The following NR2E3 variants were observed in gnomAD, a reference collection of about 807,000 sequenced individuals.
The protein encoded by NR2E3 is nuclear receptor subfamily 2 group E member 3, also known as photoreceptor-specific nuclear receptor.
Under a neutral mutation model 37.6 loss-of-function variants are expected in NR2E3, and 38 were observed. The observed-to-expected ratio is 1.01, with a 90% CI of 0.78 to 1.33. NR2E3 has a LOEUF of 1.33. Among genes scored for constraint, NR2E3 ranks in the 40% most tolerant of loss-of-function variants. NR2E3 has a pLI of 0.00. For missense variants in NR2E3, 562 were observed against 558.7 expected, an observed-to-expected ratio of 1.01 and a Z score of -0.06; for synonymous variants, 235 against 225.1, an observed-to-expected ratio of 1.04 and a Z score of -0.39.
At position 71,813,745 on chromosome 15, in the gene NR2E3, TGG is replaced by T. The variant is rs757771502; in HGVS notation, c.994+115_994+116del. ...TGCAGATGTGTGTAGGCCTCTATCC[TGG>T]GGGGTGGGAGGAGAGTGGTGAGGCT... On this transcript the variant is annotated intron_variant, in intron 6 of 7. Transcript: ENST00000617575. This position sits in a 1 kb window ranked among gnomAD's most constrained non-coding sequence, Gnocchi z 4.7. 1 of 1,548,124 alleles carries T rather than the reference TGG, an allele frequency of 6.5e-7. No homozygotes were observed.
rs758716973 is a variant in NR2E3, at chr15:71,813,972, G to A, written c.995-40G>A. On this transcript the variant is annotated intron_variant, in intron 6 of 7. Transcript: ENST00000617575. This position sits in a 1 kb window ranked among gnomAD's most constrained non-coding sequence, Gnocchi z 4.7. ...CTTCATGGCCAGCCTTATAACAGCC[G>A]TAAACCTGTGCTAAGCTCACTGGTG... The A allele has an allele frequency of 9.3e-5, 148 of 1,588,428 alleles. No homozygotes were observed. Among genetic ancestry groups the A allele is most frequent in the Non-Finnish European group, 1.2e-4 (138 of 1,168,702 alleles).
At position 71,812,141 on chromosome 15, in the gene NR2E3, C is replaced by T. The variant is rs1174147743; in HGVS notation, c.536C>T (p.Thr179Ile). 6.4e-7 allele frequency: 1 copy of T among 1,566,094 alleles called. No homozygotes were observed. The highest frequency in any genetic ancestry group is 1.4e-5 in the African/African-American group (1 of 73,640). Reference sequence around the variant, plus strand: ...CACCACTTCATGGCCAGCCTTATAACAGCTGAAACCTGTGCTAAGCTGGAG... The same window carrying T: ...CACCACTTCATGGCCAGCCTTATAATAGCTGAAACCTGTGCTAAGCTGGAG... ...LGHHFMASLITAETCAKLEPE... is the reference protein window; with the variant it reads ...LGHHFMASLIIAETCAKLEPE... Residue 179 changes from threonine to isoleucine, a missense_variant, in exon 4 of 8, where the codon ACA becomes ATA. Physicochemically the swap from Thr to Ile is moderately conservative, Grantham distance 89. Coordinates refer to ENST00000617575, the MANE Select transcript of NR2E3 (RefSeq NM_014249.4).
chr15:71,812,004 C>T lies in NR2E3; in HGVS notation c.399C>T (p.Asp133=). Residue 133 remains aspartate (D), a synonymous_variant, in exon 4 of 8, where the codon GAC becomes GAT. Transcript: ENST00000617575. ...QPRSTAQVHL[D]SMESNTESRP... Reference sequence around the variant, plus strand: ...GAAGCACAGCCCAGGTCCACCTGGACAGCATGGAGTCCAACACTGAGTCCC... The same window carrying T: ...GAAGCACAGCCCAGGTCCACCTGGATAGCATGGAGTCCAACACTGAGTCCC... 1 of 1,555,182 alleles carries T rather than the reference C, an allele frequency of 6.4e-7. No individual in the cohort carries two copies. Among genetic ancestry groups the T allele is most frequent in the Non-Finnish European group, 8.7e-7 (1 of 1,149,522 alleles).
Position 71,813,971 on chromosome 15 carries a change from C to G in NR2E3, c.995-41C>G, listed in dbSNP as rs199509906. The G allele has an allele frequency of 3.0e-4, 479 of 1,587,238 alleles. 1 individual carries two copies. In the African/African-American group the frequency reaches 4.7e-3, roughly 16 times the overall value. ...ACTTCATGGCCAGCCTTATAACAGC[C>G]GTAAACCTGTGCTAAGCTCACTGGT... On this transcript the variant is annotated intron_variant, in intron 6 of 7. Coordinates refer to ENST00000617575, the MANE Select transcript of NR2E3 (RefSeq NM_014249.4). The surrounding 1 kb of genome is among the most constrained non-coding windows in gnomAD (Gnocchi z 4.7).
At chr15:71,816,714 T>A (rs1176671719) in intron 7 of NR2E3, among the ~76,000 whole-genome samples, 1 of 152,156 alleles carries the variant, frequency 6.6e-6, no homozygotes, top group Admixed American at 6.5e-5. Flanking sequence ...ACAATTCTTA[T>A]CTACTAAAAA....
Position 71,811,843 on chromosome 15 carries a change from G to T in NR2E3, c.323G>T (p.Cys108Phe), listed in dbSNP as rs555544052. The T allele has an allele frequency of 6.4e-7, 1 of 1,551,386 alleles. No homozygotes were observed. The highest frequency in any genetic ancestry group is 1.2e-5 in the South Asian group (1 of 84,062). Residue 108 changes from cysteine to phenylalanine, a missense_variant, in exon 3 of 8, where the codon TGC becomes TTC. Coordinates refer to ENST00000617575, the MANE Select transcript of NR2E3 (RefSeq NM_014249.4). The surrounding 1 kb of genome is among the most constrained non-coding windows in gnomAD (Gnocchi z 5.6). ...TGCCAGGCCTGCCGGCTGAAGAAGTGCCTGCAGGCGGGGATGAACCAGGAC... is the reference window on the plus strand; with the variant it reads ...TGCCAGGCCTGCCGGCTGAAGAAGTTCCTGCAGGCGGGGATGAACCAGGAC... ...NQCQACRLKK[C>F]LQAGMNQDAV...
At chr15:71,814,857 G>A (rs1470743066) in intron 7 of NR2E3, 1 of 985,482 alleles carries the variant, frequency 1.0e-6, no homozygotes, top group African/African-American at 1.7e-5. Flanking sequence ...GCAGAAGGGA[G>A]ACTCTAGGAG....
At chr15:71,814,567 T>C (rs1652124938) in intron 7 of NR2E3, 14 of 952,628 alleles carry the variant, frequency 1.5e-5, no homozygotes, top group Non-Finnish European at 1.8e-5. Context: ...TTTGAAGGTA[T>C]AACAGGTTCC....
chr15:71,817,405 G>A (rs2054235410), intron 7 of NR2E3, 147 bp from the exon 8 acceptor site: 1 of 1,104,550 alleles, frequency 9.1e-7, no homozygotes, highest in East Asian at 2.4e-5. Flanking sequence ...GCCTGAATGT[G>A]GCTTTTCCTC....
Position 71,814,129 on chromosome 15 carries a change from A to T in NR2E3, c.1100+12A>T. ...AGCCAGCCCGTGAGGTGACCTGAGC[A>T]TGCGCCCACCCACTCATCTGTCCCT... is the stretch of plus-strand genomic sequence containing the variant. On this transcript the variant is annotated intron_variant, in intron 7 of 7. Coordinates refer to ENST00000617575, the MANE Select transcript of NR2E3 (RefSeq NM_014249.4). 1 of 1,606,920 alleles carries T rather than the reference A, an allele frequency of 6.2e-7. No individual in the cohort carries two copies. The highest frequency in any genetic ancestry group is 8.5e-7 in the Non-Finnish European group (1 of 1,179,116).
At position 71,811,470 on chromosome 15, in the gene NR2E3, C is replaced by T. The variant is rs767980789; in HGVS notation, c.119-13C>T. On this transcript the variant is annotated splice_polypyrimidine_tract_variant and intron_variant, in intron 1 of 7. Transcript: ENST00000617575. The surrounding 1 kb of genome is among the most constrained non-coding windows in gnomAD (Gnocchi z 5.6). ...AGCCCTGCCCTGGCCCAGCCCTGCCCCCTGCCCCTCAGGCGTGAGCCCCTC... is the reference window on the plus strand; with the variant it reads ...AGCCCTGCCCTGGCCCAGCCCTGCCTCCTGCCCCTCAGGCGTGAGCCCCTC... The T allele has an allele frequency of 8.2e-5, 127 of 1,553,152 alleles. No individual in the cohort carries two copies. In the Admixed American group the frequency reaches 8.2e-4, roughly 10 times the overall value.
Position 71,811,399 on chromosome 15 carries a change from A to G in NR2E3, c.119-84A>G. The stretch of plus-strand genomic sequence containing the variant: ...GGTGAGCGGGGCCTGAGGACTGGGA[A>G]AGGGACCCGAGGGAAGGAGGGGAGC... On this transcript the variant is annotated intron_variant, in intron 1 of 7. Coordinates refer to ENST00000617575, the MANE Select transcript of NR2E3 (RefSeq NM_014249.4). The surrounding 1 kb of genome is among the most constrained non-coding windows in gnomAD (Gnocchi z 5.6). 1.5e-6 allele frequency: 2 copies of G among 1,323,948 alleles called. No homozygotes were observed. The highest frequency in any genetic ancestry group is 2.5e-5 in the East Asian group (1 of 39,434). 82.0% of individuals were successfully genotyped at this position (1,323,948 alleles called of 1,614,324 possible).
Position 71,813,532 on chromosome 15 carries a change from C to T in NR2E3, c.891C>T (p.Ser297=). 1 of 1,613,700 alleles carries T rather than the reference C, an allele frequency of 6.2e-7. No individual in the cohort carries two copies. The highest frequency in any genetic ancestry group is 1.1e-5 in the South Asian group (1 of 91,020). The change falls in exon 6 of 8, where the codon AGC becomes AGT. Residue 297 remains serine (S), a synonymous_variant. Transcript: ENST00000617575. The surrounding 1 kb of genome is among the most constrained non-coding windows in gnomAD (Gnocchi z 4.7). ...GGAQGRLTLA[S]METRVLQETI... ...CCCAGGGCCGGCTCACGCTGGCCAG[C>T]ATGGAGACGCGTGTCCTGCAGGAAA...
intron 7 of NR2E3, among the ~76,000 whole-genome samples, chr15:71,817,210 T>C (rs1021581753): frequency 3.3e-5 from 5 of 151,472 alleles, no homozygotes; most frequent in Non-Finnish European, 5.9e-5. Context: ...GCCATTCTCC[T>C]GCCTCAGCCT....
Position 71,811,410 on chromosome 15 carries a change from GGGAA to G in NR2E3, c.119-69_119-66del. ...CCTGAGGACTGGGAAAGGGACCCGA[GGGAA>G]GGAGGGGAGCGTGCAGCCCTGCCCC... On this transcript the variant is annotated intron_variant, in intron 1 of 7. Coordinates refer to ENST00000617575, the MANE Select transcript of NR2E3 (RefSeq NM_014249.4). The surrounding 1 kb of genome is among the most constrained non-coding windows in gnomAD (Gnocchi z 5.6). The G allele has an allele frequency of 2.1e-6, 3 of 1,409,842 alleles. No individual in the cohort carries two copies. Among genetic ancestry groups the G allele is most frequent in the Non-Finnish European group, 2.9e-6 (3 of 1,033,938 alleles). 87.3% of individuals were successfully genotyped at this position (1,409,842 alleles called of 1,614,324 possible).
intron 4 of NR2E3, 44 bp downstream of exon 4, chr15:71,812,220 CG>C (rs765542302): frequency 1.9e-6 from 3 of 1,604,090 alleles, no homozygotes; most frequent in East Asian, 2.2e-5. Context: ...CTTGGCTTCC[CG>C]GGTCACAGCA....
rs752000153 is a variant in NR2E3, at chr15:71,813,333, G to A, written c.748-56G>A. On this transcript the variant is annotated intron_variant, in intron 5 of 7. Transcript: ENST00000617575. The surrounding 1 kb of genome is among the most constrained non-coding windows in gnomAD (Gnocchi z 4.7). ...GCCTGAGATGGTGGCAGAGGCTCCA[G>A]ACTGAGCCAGAGAAGCTGTGTGTCT... 5.1e-6 allele frequency: 8 copies of A among 1,582,210 alleles called. No homozygotes were observed. The highest frequency in any genetic ancestry group is 6.9e-6 in the Non-Finnish European group (8 of 1,165,346).
intron 5 of NR2E3, 59 bp downstream of exon 5, chr15:71,812,570 G>C: frequency 6.9e-7 from 1 of 1,459,716 alleles, no homozygotes; most frequent in East Asian, 2.4e-5. Context: ...CGGCCCACTC[G>C]AGTCAACCAG....
rs1290173245 is a variant in NR2E3, at chr15:71,817,906, A to G, written c.*222A>G. On this transcript the variant is annotated 3_prime_UTR_variant, in exon 8 of 8. Transcript: ENST00000617575. ...TAACAAGTTGTGGTATATTCATATA[A>G]TGAAAAATAATTTAAAAAGAATGAA... 1.1e-5 allele frequency: 4 copies of G among 367,032 alleles called. No individual in the cohort carries two copies. Among genetic ancestry groups the G allele is most frequent in the Admixed American group, 8.1e-5 (2 of 24,550 alleles). 22.7% of individuals were successfully genotyped at this position (367,032 alleles called of 1,614,324 possible).
Sources: allele counts gnomAD v4.1 joint callset (sites outside exome capture counted in the v4.1 genomes callset), GRCh38; gene constraint gnomAD v4.1.1; non-coding constraint Gnocchi (gnomAD v3.1); transcripts MANE v1.5; gene names NCBI Gene and HGNC (gene_info 2026-07-23, HGNC 2026-07-21).